The following GRB14 variants were observed in gnomAD, a reference collection of about 807,000 sequenced individuals.
The protein encoded by GRB14 is growth factor receptor-bound protein 14.
A neutral mutation model predicts 69.1 loss-of-function variants in GRB14; 38 were observed. That is an observed-to-expected ratio of 0.55 (90% CI 0.42 to 0.72). GRB14 has a LOEUF of 0.72. Among genes scored for constraint, GRB14 ranks in the 30% least tolerant of loss-of-function variants. The pLI is 0.00. For missense variants in GRB14, 666 were observed against 666.1 expected, an observed-to-expected ratio of 1.00 and a Z score of 0.00; for synonymous variants, 247 against 241.3, an observed-to-expected ratio of 1.02 and a Z score of -0.22.
At chr2:164,509,686 G>C (rs1369980859) in intron 6 of GRB14, among the ~76,000 whole-genome samples, 5 of 148,780 alleles carry the variant, frequency 3.4e-5, no homozygotes, top group Non-Finnish European at 7.4e-5. Context: ...CTGGGAGCTT[G>C]TTAGCAATGC....
chr2:164,569,896 G>A (rs1010442521), intron 2 of GRB14, among the ~76,000 whole-genome samples: 5 of 152,110 alleles, frequency 3.3e-5, no homozygotes, highest in Admixed American at 6.6e-5. Context: ...CTAATACAGC[G>A]ATGGGGGGTT....
At position 164,595,148 on chromosome 2, in the gene GRB14, A is replaced by G. The variant is rs189753083; in HGVS notation, c.324+24539T>C. On this transcript the variant is annotated intron_variant, in intron 2 of 13. Coordinates refer to ENST00000263915, the MANE Select transcript of GRB14 (RefSeq NM_004490.3). ...TAATCCAGATGATCAAATACTTGAG[A>G]GCATGCAAAGGATTTTGCAATAAAC... 3.3e-5 allele frequency among the ~76,000 whole-genome samples: 5 copies of G among 152,364 alleles called. No individual in the cohort carries two copies. In the East Asian group the frequency reaches 9.6e-4, roughly 29 times the overall value.
At chr2:164,503,442 CA>C (rs148268784) in intron 8 of GRB14, among the ~76,000 whole-genome samples, 311 of 92,070 alleles carry the variant, frequency 3.4e-3, no homozygotes, top group African/African-American at 0.012. Flanking sequence ...GGTAATTAGG[CA>C]AAAAAAAAAA....
At chr2:164,584,843 A>T (rs946933541) in intron 2 of GRB14, among the ~76,000 whole-genome samples, 4 of 152,172 alleles carry the variant, frequency 2.6e-5, no homozygotes. Context: ...CCTTACAAGG[A>T]ATTCTCCAAT....
chr2:164,548,987 C>A (rs1688457276), intron 2 of GRB14, among the ~76,000 whole-genome samples: 1 of 152,160 alleles, frequency 6.6e-6, no homozygotes, highest in East Asian at 1.9e-4. Context: ...AAATGATTCT[C>A]CTCTCTCAGC....
chr2:164,533,036 C>T (rs1006185104), intron 3 of GRB14, among the ~76,000 whole-genome samples: 3 of 151,942 alleles, frequency 2.0e-5, no homozygotes, highest in African/African-American at 7.3e-5. Flanking sequence ...TGAATGACAA[C>T]CACATGTCTG....
chr2:164,530,246 A>G (rs952245028), intron 3 of GRB14, among the ~76,000 whole-genome samples: 1 of 152,144 alleles, frequency 6.6e-6, no homozygotes, highest in Non-Finnish European at 1.5e-5. Context: ...ACACGGCAAG[A>G]GACAGCAATA....
At chr2:164,553,712 C>T (rs1221040721) in intron 2 of GRB14, among the ~76,000 whole-genome samples, 1 of 152,132 alleles carries the variant, frequency 6.6e-6, no homozygotes, top group African/African-American at 2.4e-5. Flanking sequence ...CACCTGTAAT[C>T]CCAGCACTTT....
intron 2 of GRB14, among the ~76,000 whole-genome samples, chr2:164,600,326 T>C (rs947542905): frequency 6.6e-5 from 10 of 152,180 alleles, no homozygotes; most frequent in Non-Finnish European, 1.3e-4. Flanking sequence ...TCTAATACCT[T>C]TGAGATGAAG....
chr2:164,516,548 C>T lies in GRB14; in HGVS notation c.816+5432G>A, dbSNP rs974656440. Among the ~76,000 whole-genome samples, 4 of 151,812 alleles carry T rather than the reference C, an allele frequency of 2.6e-5. No individual in the cohort carries two copies. The South Asian group carries it at 8.3e-4, about 31-fold the overall frequency. ...AGTGGATCTCTCAGCAGAAACACTA[C>T]AGGCTAGAAGGGATTGGGGCCCTAT... On this transcript the variant is annotated intron_variant, in intron 6 of 13. Coordinates refer to ENST00000263915, the MANE Select transcript of GRB14 (RefSeq NM_004490.3).
Position 164,547,783 on chromosome 2 carries a change from T to A in GRB14, c.358A>T (p.Arg120Trp). 1.2e-6 allele frequency: 2 copies of A among 1,613,614 alleles called. No homozygotes were observed. Among genetic ancestry groups the A allele is most frequent in the Admixed American group, 1.7e-5 (1 of 59,996 alleles). ...ATGTCACTGGGTACATCTAAAGCCC[T>A]GCTGGTTTCATCTTCACTGTATACT... ...IKVYSEDETS[R>W]ALDVPSDITA... Residue 120 changes from arginine (R) to tryptophan (W), a missense_variant, in exon 3 of 14, where the codon AGG becomes TGG. Physicochemically the swap from Arg to Trp is moderately radical, Grantham distance 101 (BLOSUM62 -3). Coordinates refer to ENST00000263915, the MANE Select transcript of GRB14 (RefSeq NM_004490.3).
chr2:164,518,015 T>C (rs1687540328), intron 6 of GRB14, among the ~76,000 whole-genome samples: 1 of 152,174 alleles, frequency 6.6e-6, no homozygotes, highest in Non-Finnish European at 1.5e-5. Flanking sequence ...TTAAAACAAA[T>C]GGACTTAACA....
intron 2 of GRB14, among the ~76,000 whole-genome samples, chr2:164,566,378 T>C (rs1688974606): frequency 6.6e-6 from 1 of 152,134 alleles, no homozygotes; most frequent in Non-Finnish European, 1.5e-5. Context: ...GAGAAGCACA[T>C]AATGGTGTGC....
At chr2:164,592,603 T>A (rs1354396042) in intron 2 of GRB14, among the ~76,000 whole-genome samples, 1 of 152,138 alleles carries the variant, frequency 6.6e-6, no homozygotes, top group Non-Finnish European at 1.5e-5. Context: ...CACATAGTAT[T>A]CATATGGCCT....
chr2:164,607,708 G>A (rs975891261), intron 2 of GRB14, among the ~76,000 whole-genome samples: 1 of 152,036 alleles, frequency 6.6e-6, no homozygotes, highest in Non-Finnish European at 1.5e-5. Context: ...ATCAATTTCT[G>A]GATAGTTTCA....
At chr2:164,593,016 T>C (rs1352528500) in intron 2 of GRB14, among the ~76,000 whole-genome samples, 1 of 152,242 alleles carries the variant, frequency 6.6e-6, no homozygotes, top group Admixed American at 6.5e-5. Context: ...TACAAATTAC[T>C]TTATGTTACA....
At chr2:164,580,461 T>C (rs1406896333) in intron 2 of GRB14, among the ~76,000 whole-genome samples, 2 of 150,536 alleles carry the variant, frequency 1.3e-5, no homozygotes, top group Non-Finnish European at 3.0e-5. Context: ...TCCCAGCACT[T>C]TGGGAGGCCA....
chr2:164,606,567 A>C (rs1292363342), intron 2 of GRB14, among the ~76,000 whole-genome samples: 1 of 152,118 alleles, frequency 6.6e-6, no homozygotes, highest in Non-Finnish European at 1.5e-5. Context: ...TATCTTTCCC[A>C]AGGTGCAGGC....
In GRB14 at chr2:164,549,468, G is replaced by A. The variant is rs1456578823; in HGVS notation, c.325-1652C>T. On this transcript the variant is annotated intron_variant, in intron 2 of 13. Coordinates refer to ENST00000263915, the MANE Select transcript of GRB14 (RefSeq NM_004490.3). ...TTTATGTGCCAAAGCTACTTTGTCCGACAACTTTCATTCTCTTCAGTGTCT... is the reference window on the plus strand; with the variant it reads ...TTTATGTGCCAAAGCTACTTTGTCCAACAACTTTCATTCTCTTCAGTGTCT... 3.3e-5 allele frequency among the ~76,000 whole-genome samples: 5 copies of A among 152,018 alleles called. No individual in the cohort carries two copies. In the South Asian group the frequency reaches 8.3e-4, roughly 25 times the overall value.
Sources: allele counts gnomAD v4.1 joint callset (sites outside exome capture counted in the v4.1 genomes callset), GRCh38; gene constraint gnomAD v4.1.1; transcripts MANE v1.5; gene names NCBI Gene and HGNC (gene_info 2026-07-23, HGNC 2026-07-21).